Variants in CATSPERG observed in about 807,000 individuals in gnomAD.
CATSPERG encodes catsper channel auxiliary subunit gamma.
CATSPERG carries 115 observed loss-of-function variants against 145.0 expected under a neutral mutation model. That is an observed-to-expected ratio of 0.79 (90% CI 0.68 to 0.93). The LOEUF (loss-of-function observed/expected upper bound fraction) is 0.93, where lower values mean the gene tolerates loss of function less well. Among genes scored for constraint, CATSPERG ranks in the 40% least tolerant of loss-of-function variants. The pLI, the probability that CATSPERG is intolerant of heterozygous loss-of-function variation, is 0.00. For missense variants in CATSPERG, 1,296 were observed against 1,490.1 expected (o/e 0.87, Z 2.14); for synonymous variants, 588 against 589.0 (o/e 1.00, Z 0.02).
rs1970210043 is a variant in CATSPERG, at chr19:38,354,589, A to C, written c.998-121A>C. The C allele has an allele frequency of 4.2e-6, 5 of 1,180,900 alleles. No individual in the cohort carries two copies. In the East Asian group the frequency reaches 9.8e-5, roughly 23 times the overall value. The allele number at this position is 1,180,900 out of a possible 1,614,324, so 73.2% of individuals were successfully genotyped here. On this transcript the variant is annotated intron_variant, in intron 8 of 28. Coordinates refer to ENST00000409235, the MANE Select transcript of CATSPERG (RefSeq NM_021185.5). The stretch of plus-strand genomic sequence containing the variant: ...CCAGGTGCTCCCTGACACCACACTG[A>C]ACGGGTGCTTCAGCATGAGAGGACA...
Position 38,359,956 on chromosome 19 carries a change from GC to G in CATSPERG, c.1608+376del, listed in dbSNP as rs57377798. The G allele has an allele frequency of 2.5e-3, 2,667 of 1,047,650 alleles. 57 individuals are homozygous for G. In the African/African-American group the frequency reaches 0.04, roughly 16 times the overall value. 64.9% of individuals were successfully genotyped at this position (1,047,650 alleles called of 1,614,324 possible). On this transcript the variant is annotated intron_variant, in intron 14 of 28. Transcript: ENST00000409235. ...CAGGGGGACCTGGCCCCGTCTGGGGGCTTGTGCATGTCAGGGAGGGCTTCAT... is the reference window on the plus strand; with the variant it reads ...CAGGGGGACCTGGCCCCGTCTGGGGGTTGTGCATGTCAGGGAGGGCTTCAT...
intron 7 of CATSPERG, chr19:38,349,108 G>T (rs1333206881): frequency 6.6e-6 from 1 of 152,170 alleles, no homozygotes; most frequent in East Asian, 1.9e-4. Flanking sequence ...ACTACAAGAA[G>T]ATCCTATGAT....
chr19:38,366,071 A>C (rs920111885), intron 22 of CATSPERG: 1 of 152,234 alleles, frequency 6.6e-6, no homozygotes, highest in Non-Finnish European at 1.5e-5. Flanking sequence ...CTGCTTTCAC[A>C]TCTCTCTCTT....
chr19:38,359,593 C>G lies in CATSPERG; in HGVS notation c.1608+12C>G. 1 of 1,605,698 alleles carries G rather than the reference C, an allele frequency of 6.2e-7. No homozygotes were observed. On this transcript the variant is annotated intron_variant, in intron 14 of 28. Transcript: ENST00000409235. Reference sequence around the variant, plus strand: ...CAGAGACGGAGGAGGTGGGCTGCCCCGCCCCTCTCCCCGTTCCCTCTCTGC... The same window carrying G: ...CAGAGACGGAGGAGGTGGGCTGCCCGGCCCCTCTCCCCGTTCCCTCTCTGC...
Position 38,370,591 on chromosome 19 carries a change from C to A in CATSPERG, c.3279C>A (p.Leu1093=), listed in dbSNP as rs532648170. 1 of 1,614,162 alleles carries A rather than the reference C, an allele frequency of 6.2e-7. No homozygotes were observed. Among genetic ancestry groups the A allele is most frequent in the East Asian group, 2.2e-5 (1 of 44,878 alleles). ...FYIAFCLLWP[L]VVKGCTMIRW... Reference sequence around the variant, plus strand: ...TCGCCTTCTGCCTCCTGTGGCCCCTCGTGGTGAAGGGCTGCACGATGATCC... The same window carrying A: ...TCGCCTTCTGCCTCCTGTGGCCCCTAGTGGTGAAGGGCTGCACGATGATCC... The change falls in exon 29 of 29, where the codon CTC becomes CTA. Residue 1093 remains leucine, a synonymous_variant. Coordinates refer to ENST00000409235, the MANE Select transcript of CATSPERG (RefSeq NM_021185.5).
Position 38,362,217 on chromosome 19 carries a change from C to T in CATSPERG, c.2102C>T (p.Ala701Val), listed in dbSNP as rs374391697. The T allele has an allele frequency of 6.3e-7, 1 of 1,599,080 alleles. No homozygotes were observed. The highest frequency in any genetic ancestry group is 1.1e-5 in the South Asian group (1 of 89,744). Residue 701 changes from alanine (A) to valine (V), a missense_variant, in exon 18 of 29, where the codon GCG becomes GTG. Transcript: ENST00000409235. ...GCCGGGCGATCCCTGCAGCCGTACG[C>T]GGACCCGGTGCACGACCCCACCTGG... Reference protein sequence around the residue: ...WLHSVYDKPYADPVHDPTWRW... With the variant: ...WLHSVYDKPYVDPVHDPTWRW...
At chr19:38,342,653 G>A (rs1018437689) in intron 3 of CATSPERG, among the ~76,000 whole-genome samples, 4 of 150,618 alleles carry the variant, frequency 2.7e-5, no homozygotes, top group Admixed American at 2.0e-4. Context: ...AGTAAAGAAA[G>A]TCAGCCCTCT....
At chr19:38,336,257 G>A (rs758022418) in intron 1 of CATSPERG, 1 of 455,830 alleles carries the variant, frequency 2.2e-6, no homozygotes, top group South Asian at 1.6e-5. Flanking sequence ...GAAGGTGTGG[G>A]GCGAGGAAAC....
intron 6 of CATSPERG, among the ~76,000 whole-genome samples, chr19:38,345,638 G>C (rs1434091960): frequency 6.6e-6 from 1 of 151,740 alleles, no homozygotes; most frequent in Non-Finnish European, 1.5e-5. Flanking sequence ...CTGAGTAGCT[G>C]GGATTATAGG....
chr19:38,361,660 G>A lies in CATSPERG; in HGVS notation c.1893G>A (p.Met631Ile), dbSNP rs1431192029. Residue 631 changes from methionine (M) to isoleucine (I), a missense_variant, in exon 17 of 29, where the codon ATG (methionine) becomes ATA (isoleucine). Transcript: ENST00000409235. Reference sequence around the variant, plus strand: ...TGCCACTGCCCAGGGGCTACTTGATGCTCTCCTTCATCGACTTCTGCCCCT... The same window carrying A: ...TGCCACTGCCCAGGGGCTACTTGATACTCTCCTTCATCGACTTCTGCCCCT... ...YDLERKGGYL[M>I]LSFIDFCPFS... The A allele has an allele frequency of 6.2e-7, 1 of 1,610,510 alleles. No individual in the cohort carries two copies. The highest frequency in any genetic ancestry group is 8.5e-7 in the Non-Finnish European group (1 of 1,179,776).
chr19:38,367,989 G>A, intron 25 of CATSPERG, 59 bp from the exon 26 acceptor site: 1 of 1,507,976 alleles, frequency 6.6e-7, no homozygotes, highest in Non-Finnish European at 9.2e-7. Context: ...GACCACTGAG[G>A]TCATACCTCC....
At chr19:38,352,576 G>C (rs1436944227) in intron 8 of CATSPERG, 144 bp downstream of exon 8, 42 of 686,334 alleles carry the variant, frequency 6.1e-5, no homozygotes, top group Non-Finnish European at 4.5e-5. Flanking sequence ...TGCCCACCCC[G>C]AATGGGCCTT....
In CATSPERG at chr19:38,367,223, A is replaced by G. The variant is rs540657207; in HGVS notation, c.2681A>G (p.Tyr894Cys). 1.9e-6 allele frequency: 3 copies of G among 1,613,912 alleles called. No individual in the cohort carries two copies. Among genetic ancestry groups the G allele is most frequent in the African/African-American group, 2.7e-5 (2 of 74,952 alleles). Reference sequence around the variant, plus strand: ...AAGCGCCTGGCCTTCGACATCACCTACACGCTGGAATACAGCCGCCTGAAG... The same window carrying G: ...AAGCGCCTGGCCTTCGACATCACCTGCACGCTGGAATACAGCCGCCTGAAG... ...PGKRLAFDIT[Y>C]TLEYSRLKNK... Residue 894 changes from tyrosine to cysteine, a missense_variant, in exon 23 of 29, where the codon TAC (tyrosine) becomes TGC (cysteine). By Grantham distance (194) the Tyr-to-Cys change is radical. Transcript: ENST00000409235.
Position 38,344,291 on chromosome 19 carries a change from G to C in CATSPERG, c.597-5G>C. 6.4e-7 allele frequency: 1 copy of C among 1,551,642 alleles called. No homozygotes were observed. Among genetic ancestry groups the C allele is most frequent in the Non-Finnish European group, 8.7e-7 (1 of 1,146,946 alleles). On this transcript the variant is annotated splice_polypyrimidine_tract_variant and splice_region_variant and intron_variant, in intron 5 of 28. Transcript: ENST00000409235. ...CACCTGCGCCTATTCTGCACCTGCT[G>C]CTAGGTTCCAGATGAATATCAACGG...
Position 38,344,894 on chromosome 19 carries a change from TATATA to T in CATSPERG, c.669+527_669+531del, listed in dbSNP as rs1288997237. On this transcript the variant is annotated intron_variant, in intron 6 of 28. Transcript: ENST00000409235. ...ACACACACACACACATATATATATA[TATATA>T]TATTTTTTTTTTTTTTTTTTTTTTT... Among the ~76,000 whole-genome samples the T allele has an allele frequency of 6.8e-4, 75 of 110,870 alleles. 8 individuals carry two copies. Among genetic ancestry groups the T allele is most frequent in the South Asian group, 1.5e-3 (5 of 3,244 alleles). 72.7% of individuals were successfully genotyped at this position (110,870 alleles called of 152,430 possible).
intron 17 of CATSPERG, 74 bp downstream of exon 17, chr19:38,361,935 C>T: frequency 9.7e-7 from 1 of 1,030,340 alleles, no homozygotes; most frequent in Non-Finnish European, 1.3e-6. Context: ...GAGGGCGAGG[C>T]CTGTGGAGCG....
chr19:38,362,146 C>A, intron 17 of CATSPERG, 64 bp from the exon 18 acceptor site: 1 of 1,525,626 alleles, frequency 6.6e-7, no homozygotes, highest in Admixed American at 2.0e-5. Context: ...TCTGGGGATG[C>A]CGCTTGCCTG....
chr19:38,346,785 C>G (rs1970049165), intron 7 of CATSPERG, among the ~76,000 whole-genome samples, 180 bp downstream of exon 7: 2 of 152,180 alleles, frequency 1.3e-5, no homozygotes, highest in African/African-American at 4.8e-5. Flanking sequence ...AGGTTCAAAC[C>G]CTGGTTCTGC....
intron 3 of CATSPERG, among the ~76,000 whole-genome samples, chr19:38,340,247 C>T (rs1371645621): frequency 6.6e-6 from 1 of 151,700 alleles, no homozygotes; most frequent in Non-Finnish European, 1.5e-5. Context: ...GGACTCAATT[C>T]TATTCTAAAT....
Sources: gnomAD v4.1 joint callset for allele counts (sites outside exome capture counted in the v4.1 genomes callset) on GRCh38, gnomAD v4.1.1 for gene constraint, MANE v1.5 for transcripts, NCBI Gene and HGNC (gene_info 2026-07-23, HGNC 2026-07-21) for gene names.